The following CROCC2 variants were observed in gnomAD, a reference collection of about 807,000 sequenced individuals.
The protein encoded by CROCC2 is ciliary rootlet coiled-coil, rootletin family member 2.
CROCC2 carries 163 observed loss-of-function variants against 177.6 expected under a neutral mutation model. That is an observed-to-expected ratio of 0.92 (90% CI 0.81 to 1.05). CROCC2 has a LOEUF of 1.05. Ranked by LOEUF, CROCC2 falls within the 50% of genes least tolerant of loss-of-function variation. The pLI is 0.00. For synonymous variants in CROCC2, 904 were observed against 787.3 expected (o/e 1.15, Z -2.48); for missense variants, 1,929 against 1,797.8 (o/e 1.07, Z -1.32).
intron 1 of CROCC2, among the ~76,000 whole-genome samples, chr2:240,910,702 A>G (rs1403953483): frequency 6.6e-6 from 1 of 152,192 alleles, no homozygotes; most frequent in Non-Finnish European, 1.5e-5. Context: ...CTTGTGTTTC[A>G]TTAACCTACA....
intron 28 of CROCC2, among the ~76,000 whole-genome samples, chr2:240,984,676 CCA>C (rs1404292350): frequency 9.7e-6 from 1 of 103,582 alleles, no homozygotes; most frequent in South Asian, 3.7e-4. Context: ...ACTCACTCCA[CCA>C]CACACACACA....
At chr2:240,913,897 G>A (rs868745063) in intron 1 of CROCC2, among the ~76,000 whole-genome samples, 5 of 152,252 alleles carry the variant, frequency 3.3e-5, no homozygotes, top group Non-Finnish European at 7.3e-5. Context: ...GCAGACGTCC[G>A]GTGGCTGGAC....
rs2059540893 is a variant in CROCC2, at chr2:240,949,492, C to T, written c.2483-41C>T. On this transcript the variant is annotated intron_variant, in intron 16 of 31. Transcript: ENST00000690015. This position sits in a 1 kb window ranked among gnomAD's most constrained non-coding sequence, Gnocchi z 4.5. ...GGAAGTCCCAAAGGGTTCAGGGGTC[C>T]ACATGCCAGGCCCTGGTGCATCTCA... 1 of 1,543,686 alleles carries T rather than the reference C, an allele frequency of 6.5e-7. No individual in the cohort carries two copies. The highest frequency in any genetic ancestry group is 8.8e-7 in the Non-Finnish European group (1 of 1,141,588).
rs555676485 is a variant in CROCC2 at position 240,983,655 on chromosome 2, C to T, written c.4551+626C>T. ...TCCGCAGGGGCGCGGCTGGGAGAGG[C>T]GCTGGCCCACGCATGCTTCTGTGTC... On this transcript the variant is annotated intron_variant, in intron 28 of 31. Transcript: ENST00000690015. The T allele has an allele frequency of 1.4e-4, 183 of 1,267,758 alleles. 1 individual carries two copies. In the African/African-American group the frequency reaches 2.7e-3, roughly 18 times the overall value. 78.5% of individuals were successfully genotyped at this position (1,267,758 alleles called of 1,614,324 possible). A position where few individuals can be genotyped will look rare whatever the true frequency, so the allele number is the denominator to read the frequency against.
chr2:240,915,522 G>C (rs1032474030), intron 1 of CROCC2, among the ~76,000 whole-genome samples: 4 of 152,174 alleles, frequency 2.6e-5, no homozygotes, highest in East Asian at 1.9e-4. Flanking sequence ...GACATGAGGT[G>C]GGGGGTAACA....
Position 240,946,228 on chromosome 2 carries a change from G to A in CROCC2, c.2338G>A (p.Ala780Thr), listed in dbSNP as rs1436436890. The change falls in exon 15 of 32, where the codon GCA becomes ACA. Residue 780 changes from alanine (A) to threonine (T), a missense_variant. This residue lies in a region of CROCC2 where 1,397 missense variants were observed against 1,239.9 expected (regional missense o/e 1.13). Transcript: ENST00000690015. Reference protein sequence around the residue: ...QEALERQGRLAAEEAADLRVE... With the variant: ...QEALERQGRLTAEEAADLRVE... ...GGCCTTGGAGAGGCAGGGCCGGCTC[G>A]CAGCTGAAGAGGCAGCTGATCTCAG... 9.1e-6 allele frequency: 14 copies of A among 1,536,838 alleles called. No individual in the cohort carries two copies. Among genetic ancestry groups the A allele is most frequent in the African/African-American group, 4.1e-5 (3 of 72,824 alleles).
chr2:240,988,956 G>A (rs2059858760), intron 29 of CROCC2, 86 bp downstream of exon 29: 1 of 1,291,584 alleles, frequency 7.7e-7, no homozygotes. Context: ...TTCCAGAGGG[G>A]TGGCTGGTGT....
intron 1 of CROCC2, among the ~76,000 whole-genome samples, chr2:240,911,088 A>T (rs12993089): frequency 6.6e-6 from 1 of 151,910 alleles, no homozygotes; most frequent in South Asian, 2.1e-4. Flanking sequence ...CCAAGATCGC[A>T]CCACTGTACT....
rs2059336398 is a variant in CROCC2 at position 240,918,828 on chromosome 2, CG to C, written c.182del (p.Arg61ProfsTer10). The C allele has an allele frequency of 1.6e-6, 1 of 631,124 alleles. No individual in the cohort carries two copies. The highest frequency in any genetic ancestry group is 3.0e-5 in the East Asian group (1 of 33,368). 39.1% of individuals were successfully genotyped at this position (631,124 alleles called of 1,614,324 possible). ...RQASPTPVPT[R>X]IREIVAGSLS... Reference sequence around the variant, plus strand: ...GGCCTCGCCCACCCCCGTGCCCACCCGCATCCGTGAGATCGTGGCCGGCAGC... The same window carrying C: ...GGCCTCGCCCACCCCCGTGCCCACCCCATCCGTGAGATCGTGGCCGGCAGC... On this transcript the variant is annotated frameshift_variant, in exon 2 of 32. Coordinates refer to ENST00000690015, the MANE Select transcript of CROCC2 (RefSeq NM_001351305.2). LOFTEE classifies it high-confidence loss of function. The surrounding 1 kb of genome is among the most constrained non-coding windows in gnomAD (Gnocchi z 6.3).
At position 240,964,204 on chromosome 2, in the gene CROCC2, C is replaced by T. The variant is rs1320469275; in HGVS notation, c.3306-262C>T. 1.2e-5 allele frequency: 7 copies of T among 568,936 alleles called. No homozygotes were observed. In the African/African-American group the frequency reaches 1.3e-4, roughly 11 times the overall value. The allele number at this position is 568,936 out of a possible 1,614,324, so 35.2% of individuals were successfully genotyped here. On this transcript the variant is annotated intron_variant, in intron 21 of 31. Coordinates refer to ENST00000690015, the MANE Select transcript of CROCC2 (RefSeq NM_001351305.2). ...GGATGTTGAGCGTCCGGGAGTGTGA[C>T]AGAGAGGGGGAGACAGGGAGGGATG...
intron 28 of CROCC2, 134 bp from the exon 29 acceptor site, chr2:240,988,605 C>T (rs2059855829): frequency 2.1e-6 from 2 of 944,376 alleles, no homozygotes; most frequent in Non-Finnish European, 2.8e-6. Flanking sequence ...AGGGCAGTGC[C>T]CTTCCTGACG....
At chr2:240,933,007 A>C (rs887088799) in intron 9 of CROCC2, 99 bp downstream of exon 9, 1 of 1,497,724 alleles carries the variant, frequency 6.7e-7, no homozygotes, top group Non-Finnish European at 9.0e-7. Context: ...CCTGAGCCCC[A>C]TGGCTCCAGG....
Position 240,925,825 on chromosome 2 carries a change from G to A in CROCC2, c.590G>A (p.Gly197Asp), listed in dbSNP as rs2059392166. The change falls in exon 5 of 32, where the codon GGC (glycine) becomes GAC (aspartate). Residue 197 changes from glycine (G) to aspartate (D), a missense_variant. This residue lies in a region of CROCC2 where 1,397 missense variants were observed against 1,239.9 expected (regional missense o/e 1.13). Transcript: ENST00000690015. ...ALGRELAGMTGSVQRLQGELE... is the reference protein window; with the variant it reads ...ALGRELAGMTDSVQRLQGELE... Reference sequence around the variant, plus strand: ...GGCCGGGAGCTGGCCGGGATGACGGGCAGCGTGCAGCGCCTGCAGGGCGAG... The same window carrying A: ...GGCCGGGAGCTGGCCGGGATGACGGACAGCGTGCAGCGCCTGCAGGGCGAG... 2.8e-6 allele frequency: 2 copies of A among 716,306 alleles called. No homozygotes were observed. The highest frequency in any genetic ancestry group is 5.2e-6 in the Non-Finnish European group (2 of 384,870). The allele number at this position is 716,306 out of a possible 1,614,324, so 44.4% of individuals were successfully genotyped here.
chr2:240,928,670 C>T (rs965320060), intron 5 of CROCC2, among the ~76,000 whole-genome samples: 9 of 152,200 alleles, frequency 5.9e-5, no homozygotes, highest in Non-Finnish European at 1.2e-4. Flanking sequence ...GTGCAGGAGG[C>T]GGTGCGGCTG....
chr2:240,958,057 C>A lies in CROCC2; in HGVS notation c.2944-1244C>A. On this transcript the variant is annotated intron_variant, in intron 19 of 31. Transcript: ENST00000690015. The surrounding 1 kb of genome is among the most constrained non-coding windows in gnomAD (Gnocchi z 6.7). ...GGTACCAGGCCTGCCAGCCAGCCGG[C>A]CTTCCTGGGGAGCTCGTTAAGGGTT... The A allele has an allele frequency of 2.0e-6, 2 of 985,422 alleles. 1 individual carries two copies. Among genetic ancestry groups the A allele is most frequent in the African/African-American group, 3.5e-5 (2 of 57,354 alleles). 61.0% of individuals were successfully genotyped at this position (985,422 alleles called of 1,614,324 possible).
intron 18 of CROCC2, chr2:240,954,871 C>A (rs550732058): frequency 6.6e-6 from 1 of 152,182 alleles, no homozygotes; most frequent in African/African-American, 2.4e-5. Context: ...CTAATGCAGA[C>A]GCTCCACACT....
rs567720730 is a variant in CROCC2 at position 240,986,429 on chromosome 2, A to G, written c.4552-2310A>G. On this transcript the variant is annotated intron_variant, in intron 28 of 31. Transcript: ENST00000690015. ...AGCTACTCTCCTGCCACCCTTGCTC[A>G]TGCAGCCTCAGAGTGGCCGCCAAGA... Among the ~76,000 whole-genome samples the G allele has an allele frequency of 3.6e-4, 54 of 149,912 alleles. 1 individual carries two copies. The highest frequency in any genetic ancestry group is 1.2e-3 in the African/African-American group (50 of 40,494).
At chr2:240,942,763 C>G (rs2059501658) in intron 14 of CROCC2, among the ~76,000 whole-genome samples, 1 of 152,154 alleles carries the variant, frequency 6.6e-6, no homozygotes, top group East Asian at 1.9e-4. Flanking sequence ...TAATATAACT[C>G]TCCTATGTTC....
chr2:240,930,953 GAC>G lies in CROCC2; in HGVS notation c.775_776del (p.Thr259GlyfsTer73), dbSNP rs2059425272. ...TERGLADLQA[D>X]TARTARRLHT... is the part of the protein sequence containing the mutation. ...CAGGGGCCTCGCTGACCTGCAGGCA[GAC>G]ACGGCCAGGACAGCCCGCCGCCTGC... On this transcript the variant is annotated frameshift_variant, in exon 7 of 32. Transcript: ENST00000690015. LOFTEE classifies it high-confidence loss of function. The G allele has an allele frequency of 1.4e-6, 1 of 714,160 alleles. No homozygotes were observed. Among genetic ancestry groups the G allele is most frequent in the Non-Finnish European group, 2.6e-6 (1 of 384,074 alleles). 44.2% of individuals were successfully genotyped at this position (714,160 alleles called of 1,614,324 possible). A position where few individuals can be genotyped will look rare whatever the true frequency, so the allele number is the denominator to read the frequency against.
Sources: gnomAD v4.1 joint callset for allele counts (sites outside exome capture counted in the v4.1 genomes callset) on GRCh38, gnomAD v4.1.1 for gene constraint, gnomAD v4.1.1 regional missense constraint, Gnocchi (gnomAD v3.1) non-coding constraint, MANE v1.5 for transcripts, NCBI Gene and HGNC (gene_info 2026-07-23, HGNC 2026-07-21) for gene names.